NPHS2: variants seen among roughly 807,000 people sequenced by gnomAD.
The protein encoded by NPHS2 is NPHS2 stomatin family member, podocin.
Under a neutral mutation model 37.1 loss-of-function variants are expected in NPHS2, and 36 were observed. That is an observed-to-expected ratio of 0.97 (90% confidence interval 0.74 to 1.28). NPHS2 has a LOEUF of 1.28. NPHS2 is among the 50% of genes most tolerant of loss of function. The pLI, the probability that NPHS2 is intolerant of heterozygous loss-of-function variation, is 0.00. For synonymous variants in NPHS2, 196 were observed against 189.3 expected (o/e 1.04, Z -0.29); for missense variants, 447 against 488.1 (o/e 0.92, Z 0.79).
chr1:179,566,900 C>T (rs1334475689), intron 1 of NPHS2, among the ~76,000 whole-genome samples: 1 of 152,098 alleles, frequency 6.6e-6, no homozygotes, highest in Admixed American at 6.5e-5. Flanking sequence ...TTTCTGAGGC[C>T]TCTGTTCTGT....
In NPHS2 at chr1:179,550,690, T is replaced by G; in HGVS notation, c.*483A>C. 1 of 188,480 alleles carries G rather than the reference T, an allele frequency of 5.3e-6. No individual in the cohort carries two copies. The highest frequency in any genetic ancestry group is 2.3e-5 in the African/African-American group (1 of 42,812). 11.7% of individuals were successfully genotyped at this position (188,480 alleles called of 1,614,324 possible). On this transcript the variant is annotated 3_prime_UTR_variant, in exon 8 of 8. Coordinates refer to ENST00000367615, the MANE Select transcript of NPHS2 (RefSeq NM_014625.4). ...TTCAGGGTGGAGCAAAAAGATTGAG[T>G]GTGGTTGAGGAAAACTAAGACTTGG...
intron 1 of NPHS2, among the ~76,000 whole-genome samples, chr1:179,570,112 C>T (rs1469392192): frequency 2.6e-5 from 4 of 152,154 alleles, no homozygotes; most frequent in Non-Finnish European, 5.9e-5. Context: ...TGGGGAAGTT[C>T]TCCTGGATAA....
chr1:179,552,590 A>G lies in NPHS2; in HGVS notation c.873+13T>C, dbSNP rs753302985. 2 of 1,609,728 alleles carry G rather than the reference A, an allele frequency of 1.2e-6. No individual in the cohort carries two copies. Among genetic ancestry groups the G allele is most frequent in the Admixed American group, 1.7e-5 (1 of 59,922 alleles). ...CCTAAAGGGCAGTCTGGGTGGGAGG[A>G]TGGAGTGCTCACCCGCACTTTGGCT... On this transcript the variant is annotated intron_variant, in intron 7 of 7. Transcript: ENST00000367615.
Position 179,552,593 on chromosome 1 carries a change from G to A in NPHS2, c.873+10C>T, listed in dbSNP as rs536934083. ...AAAGGGCAGTCTGGGTGGGAGGATG[G>A]AGTGCTCACCCGCACTTTGGCTTGT... On this transcript the variant is annotated intron_variant, in intron 7 of 7. Transcript: ENST00000367615. 8.0e-5 allele frequency: 129 copies of A among 1,609,802 alleles called. 1 individual carries two copies. The East Asian group carries it at 2.4e-3, about 30-fold the overall frequency.
chr1:179,566,196 C>T (rs1354852615), intron 1 of NPHS2, among the ~76,000 whole-genome samples: 2 of 152,244 alleles, frequency 1.3e-5, no homozygotes, highest in African/African-American at 4.8e-5. Flanking sequence ...AGTGTAAAAG[C>T]GTTCCTATTT....
chr1:179,556,755 A>T lies in NPHS2; in HGVS notation c.738+272T>A, dbSNP rs1673948782. On this transcript the variant is annotated intron_variant, in intron 5 of 7. Coordinates refer to ENST00000367615, the MANE Select transcript of NPHS2 (RefSeq NM_014625.4). This position sits in a 1 kb window ranked among gnomAD's most constrained non-coding sequence, Gnocchi z 4.1. ...GTTCCTGCCAGCAATCATTCTGAAT[A>T]CTTAATACTAGGTGAGTACTTGGAG... Among the ~76,000 whole-genome samples the T allele has an allele frequency of 6.6e-6, 1 of 152,062 alleles. No homozygotes were observed. Among genetic ancestry groups the T allele is most frequent in the Non-Finnish European group, 1.5e-5 (1 of 68,016 alleles).
chr1:179,552,917 T>C (rs1330292049), intron 6 of NPHS2, among the ~76,000 whole-genome samples: 2 of 152,252 alleles, frequency 1.3e-5, no homozygotes, highest in Non-Finnish European at 2.9e-5. Flanking sequence ...AGTTTCTCAT[T>C]ATCAGCACAG....
intron 1 of NPHS2, among the ~76,000 whole-genome samples, chr1:179,573,255 C>A (rs757618986): frequency 3.3e-5 from 5 of 152,162 alleles, no homozygotes; most frequent in South Asian, 4.1e-4. Flanking sequence ...AAGAAGAGGA[C>A]AGAGATGCAA....
intron 4 of NPHS2, among the ~76,000 whole-genome samples, chr1:179,558,347 T>TAA (rs776750239): frequency 2.0e-4 from 31 of 152,304 alleles, no homozygotes; most frequent in Non-Finnish European, 3.4e-4. Context: ...TGTGTGTGTG[T>TAA]GATTGGCTTA....
intron 6 of NPHS2, 159 bp from the exon 7 acceptor site, chr1:179,552,840 G>A (rs1471755517): frequency 2.9e-6 from 2 of 684,326 alleles, no homozygotes; most frequent in Non-Finnish European, 5.3e-6. Flanking sequence ...GTCAAAAGTA[G>A]GCAGATCTCC....
chr1:179,565,303 G>C (rs549581120), intron 1 of NPHS2, among the ~76,000 whole-genome samples: 113 of 152,078 alleles, frequency 7.4e-4, no homozygotes, highest in Non-Finnish European at 1.2e-3. Context: ...AAGGGAGTGG[G>C]GGTATACTGG....
chr1:179,575,632 G>C lies in NPHS2; in HGVS notation c.233C>G (p.Thr78Ser). ...GCTCTCCAACAGCGCCACCACCTCG[G>C]TGCCCTCCTCGCCGGAGCCTCGGAC... ...DEVRGSGEEGTEVVALLESER... is the reference protein window; with the variant it reads ...DEVRGSGEEGSEVVALLESER... The change falls in exon 1 of 8, where the codon ACC becomes AGC. Residue 78 changes from threonine (T) to serine (S), a missense_variant. Coordinates refer to ENST00000367615, the MANE Select transcript of NPHS2 (RefSeq NM_014625.4). The C allele has an allele frequency of 6.2e-7, 1 of 1,603,606 alleles. No individual in the cohort carries two copies. Among genetic ancestry groups the C allele is most frequent in the East Asian group, 2.2e-5 (1 of 44,846 alleles).
intron 3 of NPHS2, among the ~76,000 whole-genome samples, 191 bp from the exon 4 acceptor site, chr1:179,559,952 A>T (rs909320445): frequency 6.6e-6 from 1 of 152,154 alleles, no homozygotes; most frequent in African/African-American, 2.4e-5. Flanking sequence ...AATCCAGGAC[A>T]ATAGGTATAA....
At chr1:179,572,524 A>G (rs1298685488) in intron 1 of NPHS2, among the ~76,000 whole-genome samples, 1 of 152,228 alleles carries the variant, frequency 6.6e-6, no homozygotes, top group African/African-American at 2.4e-5. Context: ...AGGGCTTAGA[A>G]TAGTGCCTGG....
intron 1 of NPHS2, among the ~76,000 whole-genome samples, chr1:179,572,758 C>T (rs1674610832): frequency 6.6e-6 from 1 of 151,826 alleles, no homozygotes; most frequent in South Asian, 2.1e-4. Context: ...TTCCTTCCTT[C>T]TTTCCTTCCT....
At chr1:179,562,273 C>A (rs1223508020) in intron 2 of NPHS2, among the ~76,000 whole-genome samples, 1 of 152,182 alleles carries the variant, frequency 6.6e-6, no homozygotes, top group Non-Finnish European at 1.5e-5. Flanking sequence ...ATAAACTTCA[C>A]TTTCTGACCC....
chr1:179,569,893 G>A (rs772584809), intron 1 of NPHS2, among the ~76,000 whole-genome samples: 19 of 152,148 alleles, frequency 1.2e-4, no homozygotes, highest in Admixed American at 3.9e-4. Context: ...TAGCTTATAG[G>A]ATTTCTGCCA....
intron 3 of NPHS2, among the ~76,000 whole-genome samples, chr1:179,561,058 G>T (rs1674117885): frequency 6.6e-6 from 1 of 152,214 alleles, no homozygotes; most frequent in African/African-American, 2.4e-5. Flanking sequence ...AGCAAGCCTT[G>T]CCCTGGCATG....
intron 2 of NPHS2, 134 bp from the exon 3 acceptor site, chr1:179,561,495 AG>A: frequency 1.5e-6 from 1 of 675,484 alleles, no homozygotes; most frequent in Non-Finnish European, 2.7e-6. Flanking sequence ...TTAATACTTA[AG>A]TTTCCAAAAT....
Sources: allele counts gnomAD v4.1 joint callset (sites outside exome capture counted in the v4.1 genomes callset), GRCh38; gene constraint gnomAD v4.1.1; non-coding constraint Gnocchi (gnomAD v3.1); transcripts MANE v1.5; gene names NCBI Gene and HGNC (gene_info 2026-07-23, HGNC 2026-07-21).